The following CRMP1 variants were observed in gnomAD, a reference collection of about 807,000 sequenced individuals.
CRMP1 encodes dihydropyrimidinase-related protein 1.
Under a neutral mutation model 68.3 loss-of-function variants are expected in CRMP1, and 19 were observed. That is an observed-to-expected ratio of 0.28 (90% CI 0.19 to 0.41). CRMP1 has a LOEUF of 0.41. CRMP1 is among the 10% of genes least tolerant of loss of function. The pLI, the probability that CRMP1 is intolerant of heterozygous loss-of-function variation, is 1.00. For synonymous variants in CRMP1, 439 were observed against 399.6 expected (o/e 1.10, Z -1.18); for missense variants, 791 against 967.4 (o/e 0.82, Z 2.42).
At position 5,825,869 on chromosome 4, in the gene CRMP1, A is replaced by ACAT. The variant is rs1409833607; in HGVS notation, c.1804-213_1804-211dup. ...CATACACACAAGCATGCATACACAC[A>ACAT]CATCTACATACCCACATGCATACAC... On this transcript the variant is annotated intron_variant, in intron 12 of 13. Coordinates refer to ENST00000324989, the MANE Select transcript of CRMP1 (RefSeq NM_001014809.3). This position sits in a 1 kb window ranked among gnomAD's most constrained non-coding sequence, Gnocchi z 4.4. 3.7e-6 allele frequency: 2 copies of ACAT among 540,354 alleles called. No homozygotes were observed. Among genetic ancestry groups the ACAT allele is most frequent in the Non-Finnish European group, 6.5e-6 (2 of 306,752 alleles). The allele number at this position is 540,354 out of a possible 1,614,324, so 33.5% of individuals were successfully genotyped here. A position where few individuals can be genotyped will look rare whatever the true frequency, so the allele number is the denominator to read the frequency against.
intron 3 of CRMP1, among the ~76,000 whole-genome samples, chr4:5,856,781 A>T (rs936704979): frequency 6.6e-6 from 1 of 150,996 alleles, no homozygotes; most frequent in Admixed American, 6.6e-5. Context: ...CATCATTACC[A>T]TCAGCACCAT....
chr4:5,830,882 T>TTGA (rs1720328244), intron 11 of CRMP1, among the ~76,000 whole-genome samples: 3 of 152,218 alleles, frequency 2.0e-5, no homozygotes, highest in Admixed American at 2.0e-4. Flanking sequence ...TTAGAAAGAA[T>TTGA]TGATATGTTC....
chr4:5,878,372 C>T (rs564840325), intron 1 of CRMP1, among the ~76,000 whole-genome samples: 14 of 152,252 alleles, frequency 9.2e-5, no homozygotes, highest in African/African-American at 2.9e-4. Flanking sequence ...TTATCAAGTA[C>T]ATACCCCAGG....
rs141872009 is a variant in CRMP1, at chr4:5,856,364, C to G, written c.656-57G>C. 5.5e-5 allele frequency: 80 copies of G among 1,455,488 alleles called. No individual in the cohort carries two copies. In the African/African-American group the frequency reaches 1.1e-3, roughly 19 times the overall value. 90.2% of individuals were successfully genotyped at this position (1,455,488 alleles called of 1,614,324 possible). A position where few individuals can be genotyped will look rare whatever the true frequency, so the allele number is the denominator to read the frequency against. On this transcript the variant is annotated intron_variant, in intron 3 of 13. Coordinates refer to ENST00000324989, the MANE Select transcript of CRMP1 (RefSeq NM_001014809.3). ...CAGACTCAAGTGTTCCAATGGTAGC[C>G]ACATCATTACCACTACCACCATCAT...
At position 5,841,626 on chromosome 4, in the gene CRMP1, C is replaced by T. The variant is rs1220017047; in HGVS notation, c.1033-198G>A. Reference sequence around the variant, plus strand: ...TTGGTCTCACGCTGGGATACGGCAGCAACATCCAAGCGCTATACAAGTTTA... The same window carrying T: ...TTGGTCTCACGCTGGGATACGGCAGTAACATCCAAGCGCTATACAAGTTTA... On this transcript the variant is annotated intron_variant, in intron 7 of 13. Coordinates refer to ENST00000324989, the MANE Select transcript of CRMP1 (RefSeq NM_001014809.3). The surrounding 1 kb of genome is among the most constrained non-coding windows in gnomAD (Gnocchi z 6.9). Among the ~76,000 whole-genome samples the T allele has an allele frequency of 6.6e-6, 1 of 152,240 alleles. No homozygotes were observed. The highest frequency in any genetic ancestry group is 1.5e-5 in the Non-Finnish European group (1 of 68,050).
chr4:5,824,785 G>C (rs1055235277), intron 13 of CRMP1: 2 of 982,186 alleles, frequency 2.0e-6, no homozygotes, highest in African/African-American at 3.7e-5. Flanking sequence ...CCCATGCAAC[G>C]CCTCAAAGAG....
At chr4:5,832,066 C>T (rs114640325) in intron 11 of CRMP1, among the ~76,000 whole-genome samples, 1 of 152,164 alleles carries the variant, frequency 6.6e-6, no homozygotes, top group Non-Finnish European at 1.5e-5. Flanking sequence ...AAGTAGAAGC[C>T]AGACATAAAA....
chr4:5,880,121 G>A (rs952419874), intron 1 of CRMP1, among the ~76,000 whole-genome samples: 2 of 152,172 alleles, frequency 1.3e-5, no homozygotes, highest in African/African-American at 4.8e-5. Context: ...CAACAGAGCT[G>A]TACAAGAGTA....
chr4:5,868,261 C>CTATCTATCTATA (rs1210674102), intron 1 of CRMP1, among the ~76,000 whole-genome samples: 17 of 111,458 alleles, frequency 1.5e-4, no homozygotes, highest in Non-Finnish European at 2.8e-4. Context: ...GACTATATAT[C>CTATCTATCTATA]TATATATATA....
chr4:5,864,793 G>C (rs1713868133), intron 2 of CRMP1, among the ~76,000 whole-genome samples: 1 of 152,150 alleles, frequency 6.6e-6, no homozygotes, highest in Non-Finnish European at 1.5e-5. Flanking sequence ...TTCCAGGCAG[G>C]GGACTGATGG....
In CRMP1 at chr4:5,858,950, C is replaced by A. The variant is rs141067275; in HGVS notation, c.655+2076G>T. 6.6e-6 allele frequency among the ~76,000 whole-genome samples: 1 copy of A among 152,166 alleles called. No individual in the cohort carries two copies. Among genetic ancestry groups the A allele is most frequent in the Non-Finnish European group, 1.5e-5 (1 of 68,024 alleles). On this transcript the variant is annotated intron_variant, in intron 3 of 13. Coordinates refer to ENST00000324989, the MANE Select transcript of CRMP1 (RefSeq NM_001014809.3). This position sits in a 1 kb window ranked among gnomAD's most constrained non-coding sequence, Gnocchi z 5.5. The stretch of plus-strand genomic sequence containing the variant: ...TCTGCTTTTCTCTGCCCTCTTCTCC[C>A]GGTTAATTCCAACTCATCCTTCAGA...
chr4:5,885,292 C>T (rs1388098345), intron 1 of CRMP1, among the ~76,000 whole-genome samples: 1 of 152,158 alleles, frequency 6.6e-6, no homozygotes, highest in African/African-American at 2.4e-5. Flanking sequence ...CCCTTATCCC[C>T]ACTGTGCAGA....
intron 6 of CRMP1, among the ~76,000 whole-genome samples, chr4:5,847,199 A>G (rs1052428793): frequency 7.2e-5 from 11 of 152,148 alleles, no homozygotes; most frequent in Non-Finnish European, 1.3e-4. Flanking sequence ...TGCATGTTGT[A>G]TATCAGGAGG....
chr4:5,840,368 G>C (rs184691795), intron 8 of CRMP1, among the ~76,000 whole-genome samples: 85 of 152,268 alleles, frequency 5.6e-4, no homozygotes, highest in African/African-American at 1.8e-3. Context: ...GCAGAGGCTC[G>C]GGCTCCCCAG....
intron 1 of CRMP1, among the ~76,000 whole-genome samples, chr4:5,871,685 A>G (rs1294440917): frequency 2.0e-5 from 3 of 152,178 alleles, no homozygotes; most frequent in Admixed American, 6.5e-5. Context: ...AAAAGAAAAA[A>G]AAAGAAATCT....
intron 6 of CRMP1, among the ~76,000 whole-genome samples, chr4:5,846,306 A>G (rs550563523): frequency 6.6e-5 from 10 of 152,216 alleles, no homozygotes; most frequent in African/African-American, 2.4e-4. Flanking sequence ...AAAAAAATTT[A>G]AAAAAAATTT....
chr4:5,828,456 C>T (rs775422375), intron 12 of CRMP1, 33 bp downstream of exon 12: 14 of 1,602,364 alleles, frequency 8.7e-6, no homozygotes, highest in African/African-American at 1.3e-5. Context: ...TCTGGTCCCA[C>T]GGGTGGGCCC....
chr4:5,836,216 A>T, intron 10 of CRMP1, 131 bp from the exon 11 acceptor site: 1 of 755,684 alleles, frequency 1.3e-6, no homozygotes, highest in Non-Finnish European at 1.9e-6. Context: ...CCAGCTAAAA[A>T]CGTGCCATCA....
intron 1 of CRMP1, among the ~76,000 whole-genome samples, chr4:5,878,977 T>C (rs1443745292): frequency 1.3e-5 from 2 of 152,112 alleles, no homozygotes; most frequent in Non-Finnish European, 2.9e-5. Context: ...CCAATGCACC[T>C]GCCCCAGATA....
Sources: gnomAD v4.1 joint callset for allele counts (sites outside exome capture counted in the v4.1 genomes callset) on GRCh38, gnomAD v4.1.1 for gene constraint, Gnocchi (gnomAD v3.1) non-coding constraint, MANE v1.5 for transcripts, NCBI Gene and HGNC (gene_info 2026-07-23, HGNC 2026-07-21) for gene names.